LRRC1: variants seen among roughly 807,000 people sequenced by gnomAD.
LRRC1 encodes the protein leucine-rich repeat-containing protein 1.
In LRRC1, 28 loss-of-function variants were observed where a neutral mutation model predicts 69.9. The observed-to-expected ratio is 0.40, with a 90% confidence interval of 0.30 to 0.55. The LOEUF is 0.55. Ranked by LOEUF, LRRC1 falls within the 20% of genes least tolerant of loss-of-function variation. LRRC1 has a pLI of 0.47. For synonymous variants in LRRC1, 236 were observed against 240.2 expected, an observed-to-expected ratio of 0.98 and a Z score of 0.16; for missense variants, 498 against 609.0, an observed-to-expected ratio of 0.82 and a Z score of 1.92.
At chr6:53,865,061 A>G (rs1766654040) in intron 2 of LRRC1, among the ~76,000 whole-genome samples, 1 of 152,144 alleles carries the variant, frequency 6.6e-6, no homozygotes, top group Admixed American at 6.5e-5. Context: ...ATCGGCCAGG[A>G]TGAGCCATAG....
At chr6:53,809,052 G>T (rs1023185086) in intron 1 of LRRC1, among the ~76,000 whole-genome samples, 1 of 152,154 alleles carries the variant, frequency 6.6e-6, no homozygotes, top group Admixed American at 6.5e-5. Flanking sequence ...AAGCACATCC[G>T]TCTGGGAAAA....
intron 1 of LRRC1, among the ~76,000 whole-genome samples, chr6:53,806,544 T>G (rs1016994182): frequency 2.6e-5 from 4 of 152,174 alleles, no homozygotes; most frequent in Non-Finnish European, 5.9e-5. Context: ...CATACTCTCT[T>G]GAGCCTCAGT....
chr6:53,872,532 T>C (rs1487530112), intron 2 of LRRC1, among the ~76,000 whole-genome samples: 2 of 152,066 alleles, frequency 1.3e-5, no homozygotes, highest in African/African-American at 4.8e-5. Context: ...ATAATTTCCT[T>C]TTTTTTGTAT....
intron 10 of LRRC1, among the ~76,000 whole-genome samples, chr6:53,908,614 A>G (rs970362867): frequency 1.3e-5 from 2 of 152,226 alleles, no homozygotes. Flanking sequence ...ACTTGAAATA[A>G]GTCATAAAAA....
intron 1 of LRRC1, among the ~76,000 whole-genome samples, chr6:53,829,962 A>C (rs1765381153): frequency 6.6e-6 from 1 of 152,118 alleles, no homozygotes; most frequent in Non-Finnish European, 1.5e-5. Flanking sequence ...GACTCAGAGA[A>C]CTCTTGAGGT....
intron 2 of LRRC1, among the ~76,000 whole-genome samples, chr6:53,874,591 T>C (rs1352851953): frequency 6.6e-6 from 1 of 152,210 alleles, no homozygotes; most frequent in Non-Finnish European, 1.5e-5. Context: ...AAATCTTTCA[T>C]GTAGCATCTG....
chr6:53,866,609 G>A (rs1482968293), intron 2 of LRRC1, among the ~76,000 whole-genome samples: 2 of 152,096 alleles, frequency 1.3e-5, no homozygotes, highest in South Asian at 4.1e-4. Flanking sequence ...TCATTATTTG[G>A]GGGGGATTCA....
intron 1 of LRRC1, among the ~76,000 whole-genome samples, chr6:53,803,562 G>C (rs1399608008): frequency 1.3e-5 from 2 of 151,526 alleles, no homozygotes; most frequent in East Asian, 3.9e-4. Context: ...TGGTATTTTA[G>C]AAGATCTAAT....
chr6:53,813,764 G>C (rs1272311404), intron 1 of LRRC1, among the ~76,000 whole-genome samples: 2 of 152,090 alleles, frequency 1.3e-5, no homozygotes, highest in African/African-American at 2.4e-5. Context: ...GGGGTGAAGT[G>C]GGGAGGTGAT....
intron 2 of LRRC1, among the ~76,000 whole-genome samples, chr6:53,845,886 C>T (rs1220800992): frequency 1.3e-5 from 2 of 152,182 alleles, no homozygotes; most frequent in Non-Finnish European, 2.9e-5. Context: ...GCTAACTTTC[C>T]TTCAGCAGCT....
intron 4 of LRRC1, among the ~76,000 whole-genome samples, chr6:53,887,955 T>A (rs548048365): frequency 6.6e-6 from 1 of 152,316 alleles, no homozygotes; most frequent in African/African-American, 2.4e-5. Context: ...GATATGCCCT[T>A]AAAAACAGTG....
intron 1 of LRRC1, among the ~76,000 whole-genome samples, chr6:53,817,875 T>C (rs754133992): frequency 4.6e-5 from 7 of 152,202 alleles, no homozygotes; most frequent in Non-Finnish European, 1.0e-4. Context: ...TCAAGCTACA[T>C]CCTATGCATT....
At chr6:53,852,032 G>A (rs1766153675) in intron 2 of LRRC1, among the ~76,000 whole-genome samples, 1 of 152,062 alleles carries the variant, frequency 6.6e-6, no homozygotes, top group Non-Finnish European at 1.5e-5. Flanking sequence ...TTCACTTTAG[G>A]CAATATGTCA....
At chr6:53,875,691 G>T (rs934974574) in intron 2 of LRRC1, among the ~76,000 whole-genome samples, 7 of 152,164 alleles carry the variant, frequency 4.6e-5, no homozygotes, top group Non-Finnish European at 7.3e-5. Flanking sequence ...AATTACAACA[G>T]AATGCCATCA....
chr6:53,832,731 C>T (rs968302009), intron 1 of LRRC1, among the ~76,000 whole-genome samples: 1 of 152,070 alleles, frequency 6.6e-6, no homozygotes, highest in Non-Finnish European at 1.5e-5. Context: ...GATTTTCTGT[C>T]GTACAAAACA....
intron 2 of LRRC1, among the ~76,000 whole-genome samples, chr6:53,874,030 A>G (rs1484400667): frequency 6.6e-6 from 1 of 152,186 alleles, no homozygotes; most frequent in East Asian, 1.9e-4. Flanking sequence ...TGGCAAGCCA[A>G]TGGCATGGCG....
chr6:53,897,495 GA>G (rs71775183), intron 7 of LRRC1, 136 bp downstream of exon 7: 284,885 of 608,852 alleles, frequency 0.47, 69,020 homozygotes, highest in African/African-American at 0.54. Flanking sequence ...GGCACATTTG[GA>G]AAAAACATAT....
chr6:53,802,634 T>G (rs183364621), intron 1 of LRRC1, among the ~76,000 whole-genome samples: 114 of 152,288 alleles, frequency 7.5e-4, no homozygotes, highest in African/African-American at 2.6e-3. Flanking sequence ...TTGGTTTTGT[T>G]TAGATGAATG....
intron 10 of LRRC1, among the ~76,000 whole-genome samples, chr6:53,910,976 G>A (rs1290315568): frequency 1.3e-5 from 2 of 152,262 alleles, no homozygotes; most frequent in African/African-American, 4.8e-5. Context: ...GGGACAGCAT[G>A]TGCCTTTGTG....
Sources: gnomAD v4.1 joint callset for allele counts (sites outside exome capture counted in the v4.1 genomes callset) on GRCh38, gnomAD v4.1.1 for gene constraint, MANE v1.5 for transcripts, NCBI Gene and HGNC (gene_info 2026-07-23, HGNC 2026-07-21) for gene names.